SAP30BP: variants seen among roughly 807,000 people sequenced by gnomAD.
SAP30BP encodes SAP30-binding protein.
In SAP30BP, 31 loss-of-function variants were observed where a neutral mutation model predicts 46.3. The ratio of observed to expected loss-of-function variants is 0.67; its 90% confidence interval spans 0.50 to 0.90. The LOEUF is 0.90. Among genes scored for constraint, SAP30BP ranks in the 40% least tolerant of loss-of-function variants. SAP30BP has a pLI of 0.00. For missense variants in SAP30BP, 312 were observed against 391.0 expected (o/e 0.80, Z 1.70); for synonymous variants, 169 against 144.2 (o/e 1.17, Z -1.23).
intron 3 of SAP30BP, among the ~76,000 whole-genome samples, chr17:75,682,479 C>T (rs921057089): frequency 3.3e-5 from 5 of 151,992 alleles, no homozygotes; most frequent in Admixed American, 6.6e-5. Flanking sequence ...GCTGGGATTA[C>T]GGGTGCAAGC....
intron 3 of SAP30BP, chr17:75,692,453 G>C: frequency 1.0e-6 from 1 of 985,452 alleles, no homozygotes; most frequent in Non-Finnish European, 1.2e-6. Flanking sequence ...TGATGAGCAC[G>C]TGTGGCCCTT....
At chr17:75,674,697 GTT>G (rs66721865) in intron 3 of SAP30BP, among the ~76,000 whole-genome samples, 1 of 61,504 alleles carries the variant, frequency 1.6e-5, no homozygotes, top group Admixed American at 2.1e-4. Context: ...TTTGTTTTTT[GTT>G]TTTTTTTTTT....
intron 3 of SAP30BP, among the ~76,000 whole-genome samples, chr17:75,673,050 A>T (rs820130): frequency 1 from 151,698 of 152,302 alleles, 75,551 homozygotes; most frequent in Middle Eastern, 1. Context: ...TGCCCAATTA[A>T]AATCTAAAAC....
At position 75,703,824 on chromosome 17, in the gene SAP30BP, A is replaced by G; in HGVS notation, c.566A>G (p.His189Arg). The G allele has an allele frequency of 6.2e-7, 1 of 1,613,890 alleles. No homozygotes were observed. The highest frequency in any genetic ancestry group is 2.2e-5 in the East Asian group (1 of 44,884). ...TNYPKDMFDP[H>R]GWSEDSYYEA... ...CCTTTGCAGGATATGTTTGATCCCC[A>G]TGGCTGGTCTGAGGACTCCTACTAT... The change falls in exon 8 of 11, where the codon CAT (histidine) becomes CGT (arginine). Residue 189 changes from histidine to arginine, a missense_variant. By Grantham distance (29) the His-to-Arg change is conservative. Coordinates refer to ENST00000584667, the MANE Select transcript of SAP30BP (RefSeq NM_013260.8).
chr17:75,669,758 A>G (rs1357369072), intron 2 of SAP30BP, among the ~76,000 whole-genome samples: 1 of 152,120 alleles, frequency 6.6e-6, no homozygotes, highest in Non-Finnish European at 1.5e-5. Context: ...CTTGATCACA[A>G]ATCTTGCCTG....
chr17:75,703,607 C>T, intron 7 of SAP30BP: 1 of 641,510 alleles, frequency 1.6e-6, no homozygotes, highest in Non-Finnish European at 2.8e-6. Flanking sequence ...GGACCTGCTG[C>T]TCCTGGGGTT....
At chr17:75,699,267 G>C (rs190168801) in intron 4 of SAP30BP, among the ~76,000 whole-genome samples, 152 of 152,248 alleles carry the variant, frequency 1.0e-3, no homozygotes, top group African/African-American at 3.5e-3. Context: ...ATAGTGGCGT[G>C]ATCTTGGCTC....
At chr17:75,677,494 G>A (rs1359877260) in intron 3 of SAP30BP, among the ~76,000 whole-genome samples, 7 of 145,478 alleles carry the variant, frequency 4.8e-5, no homozygotes, top group East Asian at 2.0e-4. Flanking sequence ...GTGCAGTGGC[G>A]CAATCTCAGC....
chr17:75,682,589 C>T (rs940730080), intron 3 of SAP30BP, among the ~76,000 whole-genome samples: 3 of 152,156 alleles, frequency 2.0e-5, no homozygotes, highest in African/African-American at 7.2e-5. Context: ...TATATATAAA[C>T]ATTTTCAATG....
intron 3 of SAP30BP, among the ~76,000 whole-genome samples, chr17:75,677,944 T>C (rs1249116008): frequency 5.9e-5 from 9 of 152,018 alleles, no homozygotes; most frequent in Non-Finnish European, 1.2e-4. Context: ...AAAACAGAAA[T>C]CATGGGTCAG....
intron 4 of SAP30BP, among the ~76,000 whole-genome samples, chr17:75,694,020 A>G (rs1296269423): frequency 6.6e-6 from 1 of 151,950 alleles, no homozygotes; most frequent in East Asian, 1.9e-4. Flanking sequence ...CAGCCTTTTA[A>G]TCCTTTTAGA....
intron 6 of SAP30BP, 159 bp from the exon 7 acceptor site, chr17:75,703,152 T>G (rs1395663473): frequency 3.1e-6 from 2 of 644,248 alleles, no homozygotes; most frequent in African/African-American, 3.6e-5. Context: ...CAGGTCCATC[T>G]CCCTGGGAGA....
chr17:75,674,715 T>TG (rs1568300536), intron 3 of SAP30BP, among the ~76,000 whole-genome samples: 9 of 135,682 alleles, frequency 6.6e-5, no homozygotes, highest in African/African-American at 2.5e-4. Context: ...TTTTTTTTTT[T>TG]TTTTTTTTTT....
intron 5 of SAP30BP, among the ~76,000 whole-genome samples, chr17:75,701,469 CA>C (rs1176048308): frequency 6.6e-6 from 1 of 152,182 alleles, no homozygotes; most frequent in African/African-American, 2.4e-5. Context: ...ACGCCTGTGG[CA>C]CTGGCCACAG....
At chr17:75,699,337 G>A (rs1247185095) in intron 4 of SAP30BP, among the ~76,000 whole-genome samples, 1 of 152,068 alleles carries the variant, frequency 6.6e-6, no homozygotes, top group African/African-American at 2.4e-5. Context: ...GGGTTTACAG[G>A]CATGCATCAC....
chr17:75,669,033 T>C (rs1198981095), intron 2 of SAP30BP, among the ~76,000 whole-genome samples: 1 of 152,142 alleles, frequency 6.6e-6, no homozygotes, highest in African/African-American at 2.4e-5. Context: ...CTCAGTTTAT[T>C]AACAAGATAA....
chr17:75,705,625 C>T (rs1323870513), intron 9 of SAP30BP: 4 of 1,053,260 alleles, frequency 3.8e-6, no homozygotes, highest in Non-Finnish European at 4.6e-6. Context: ...GTTGCAGGGA[C>T]GTGTCTGCAG....
intron 6 of SAP30BP, 143 bp downstream of exon 6, chr17:75,702,714 A>G: frequency 2.0e-6 from 1 of 509,062 alleles, no homozygotes; most frequent in Non-Finnish European, 3.6e-6. Context: ...CCTGCTGGAC[A>G]TGGCGGACTG....
chr17:75,682,335 C>T (rs1599119392), intron 3 of SAP30BP, among the ~76,000 whole-genome samples: 2 of 152,048 alleles, frequency 1.3e-5, no homozygotes. Context: ...CAGGTGTGCA[C>T]CACCACACCC....
Sources: allele counts gnomAD v4.1 joint callset (sites outside exome capture counted in the v4.1 genomes callset), GRCh38; gene constraint gnomAD v4.1.1; transcripts MANE v1.5; gene names NCBI Gene and HGNC (gene_info 2026-07-23, HGNC 2026-07-21).